The following SPEG variants were observed in gnomAD, a reference collection of about 807,000 sequenced individuals.
SPEG encodes the protein striated muscle enriched protein kinase.
A neutral mutation model predicts 300.4 loss-of-function variants in SPEG; 114 were observed. The observed-to-expected ratio is 0.38, with a 90% CI of 0.33 to 0.44. The LOEUF is 0.44. SPEG is among the 20% of genes least tolerant of loss of function. The pLI is 1.00. For missense variants in SPEG, 4,201 were observed against 4,586.2 expected, an observed-to-expected ratio of 0.92 and a Z score of 2.43; for synonymous variants, 1,964 against 2,018.9, an observed-to-expected ratio of 0.97 and a Z score of 0.73.
chr2:219,479,228 G>A lies in SPEG; in HGVS notation c.5085+27G>A, dbSNP rs1692611637. 6.2e-7 allele frequency: 1 copy of A among 1,604,654 alleles called. No homozygotes were observed. On this transcript the variant is annotated intron_variant, in intron 23 of 40. Coordinates refer to ENST00000312358, the MANE Select transcript of SPEG (RefSeq NM_005876.5). This position sits in a 1 kb window ranked among gnomAD's most constrained non-coding sequence, Gnocchi z 5.5. The stretch of plus-strand genomic sequence containing the variant: ...TGAGGGCAGTGGGTGGCAGGGGCCA[G>A]GTTGGGCACCAGCCTTCACCCACCT...
At chr2:219,447,298 T>C (rs974359689) in intron 3 of SPEG, among the ~76,000 whole-genome samples, 2 of 151,158 alleles carry the variant, frequency 1.3e-5, no homozygotes, top group African/African-American at 4.9e-5. Context: ...CAAAGGCCTA[T>C]CGGGGGGCAG....
At chr2:219,460,245 A>G in intron 6 of SPEG, 1 of 947,242 alleles carries the variant, frequency 1.1e-6, no homozygotes, top group Non-Finnish European at 1.3e-6. Flanking sequence ...GGGCCCCCTC[A>G]GATTCTTCCC....
chr2:219,488,793 T>C lies in SPEG; in HGVS notation c.8042T>C (p.Leu2681Pro), dbSNP rs1309007757. The change falls in exon 34 of 41, where the codon CTA (leucine) becomes CCA (proline). Residue 2681 changes from leucine (L) to proline (P), a missense_variant. Around this residue, in one of 4 missense-constraint regions of SPEG, gnomAD observed 1,578 missense variants for 1,506.0 expected, o/e 1.05. Transcript: ENST00000312358. Reference sequence around the variant, plus strand: ...CTCTTGCCAGGAGTCCCAGGAAAGCTAGCTCCTCCAGAGGTACCCCAGACC... The same window carrying C: ...CTCTTGCCAGGAGTCCCAGGAAAGCCAGCTCCTCCAGAGGTACCCCAGACC... ...TVAVARVPGK[L>P]APPEVPQTYQ... is the part of the protein sequence containing the mutation. 1 of 1,603,110 alleles carries C rather than the reference T, an allele frequency of 6.2e-7. No individual in the cohort carries two copies. Among genetic ancestry groups the C allele is most frequent in the Non-Finnish European group, 8.5e-7 (1 of 1,174,126 alleles).
chr2:219,451,847 C>T lies in SPEG; in HGVS notation c.2440+40C>T. On this transcript the variant is annotated intron_variant, in intron 6 of 40. Transcript: ENST00000312358. The surrounding 1 kb of genome is among the most constrained non-coding windows in gnomAD (Gnocchi z 6.4). Reference sequence around the variant, plus strand: ...AACCCTGGGGCTGGGTGGGGGCAAGCCGTGACTCTCCCCTGGCCCAGGCCC... The same window carrying T: ...AACCCTGGGGCTGGGTGGGGGCAAGTCGTGACTCTCCCCTGGCCCAGGCCC... 1 of 1,486,444 alleles carries T rather than the reference C, an allele frequency of 6.7e-7. No homozygotes were observed. The highest frequency in any genetic ancestry group is 9.0e-7 in the Non-Finnish European group (1 of 1,110,126). 92.1% of individuals were successfully genotyped at this position (1,486,444 alleles called of 1,614,324 possible). A position where few individuals can be genotyped will look rare whatever the true frequency, so the allele number is the denominator to read the frequency against.
chr2:219,491,660 G>A, intron 38 of SPEG, 134 bp from the exon 39 acceptor site: 1 of 715,910 alleles, frequency 1.4e-6, no homozygotes, highest in Non-Finnish European at 2.5e-6. Context: ...GGCCTTCAGG[G>A]CCTGCCACTC....
At chr2:219,447,148 A>C (rs1193965418) in intron 3 of SPEG, among the ~76,000 whole-genome samples, 4 of 151,252 alleles carry the variant, frequency 2.6e-5, no homozygotes, top group Admixed American at 2.6e-4. Flanking sequence ...CTTTTCTCCC[A>C]CACTCCCTAT....
At position 219,489,397 on chromosome 2, in the gene SPEG, G is replaced by A; in HGVS notation, c.8379G>A (p.Arg2793=). The A allele has an allele frequency of 6.2e-7, 1 of 1,612,922 alleles. No homozygotes were observed. Among genetic ancestry groups the A allele is most frequent in the Non-Finnish European group, 8.5e-7 (1 of 1,179,688 alleles). ...QEAPVTSRPA[R]ARPPDSPTSL... is the part of the protein sequence containing the mutation. Reference sequence around the variant, plus strand: ...CCCCTGTCACCTCAAGGCCAGCCAGGGCCCGGCCTCCTGACTCTCCTACCT... The same window carrying A: ...CCCCTGTCACCTCAAGGCCAGCCAGAGCCCGGCCTCCTGACTCTCCTACCT... Residue 2793 remains arginine, a synonymous_variant, in exon 36 of 41, where the codon AGG becomes AGA. Transcript: ENST00000312358.
intron 31 of SPEG, among the ~76,000 whole-genome samples, chr2:219,485,901 C>A (rs140638809): frequency 3.3e-5 from 5 of 152,098 alleles, no homozygotes; most frequent in East Asian, 1.9e-4. Flanking sequence ...CTGGGAGACC[C>A]TAGAATGTTT....
At position 219,488,439 on chromosome 2, in the gene SPEG, G is replaced by C. The variant is rs11892048; in HGVS notation, c.7859-59G>C. 112,889 of 1,522,320 alleles carry C rather than the reference G, an allele frequency of 0.074. 4,422 individuals are homozygous for C. Among genetic ancestry groups the C allele is most frequent in the Admixed American group, 0.094 (4,744 of 50,406 alleles). 94.3% of individuals were successfully genotyped at this position (1,522,320 alleles called of 1,614,324 possible). A position where few individuals can be genotyped will look rare whatever the true frequency, so the allele number is the denominator to read the frequency against. On this transcript the variant is annotated intron_variant, in intron 32 of 40. Coordinates refer to ENST00000312358, the MANE Select transcript of SPEG (RefSeq NM_005876.5). ...GGATGCTGGAGTGGGGAGTGAGTGA[G>C]GGGGCCTGGACATGTGCTGCCTCAC... is the stretch of plus-strand genomic sequence containing the variant.
chr2:219,472,359 G>A (rs762313983), intron 15 of SPEG, 28 bp downstream of exon 15: 6 of 1,589,308 alleles, frequency 3.8e-6, no homozygotes, highest in South Asian at 1.1e-5. Context: ...AGGGCCATGG[G>A]TGGGGAAGGG....
At chr2:219,452,976 C>G in intron 6 of SPEG, among the ~76,000 whole-genome samples, 1 of 152,196 alleles carries the variant, frequency 6.6e-6, no homozygotes, top group East Asian at 1.9e-4. Context: ...AGCTGCATAT[C>G]CCTCCCGGGG....
chr2:219,478,005 C>A lies in SPEG; in HGVS notation c.4927C>A (p.Arg1643Ser). 6.2e-7 allele frequency: 1 copy of A among 1,614,176 alleles called. No homozygotes were observed. Among genetic ancestry groups the A allele is most frequent in the Admixed American group, 1.7e-5 (1 of 60,032 alleles). ...PSQAKPKASA[R>S]REARLLARLQ... ...CCAGGCCAAGCCAAAGGCATCAGCG[C>A]GTCGGGAGGCCCGGCTGCTGGCCAG... The change falls in exon 22 of 41, where the codon CGT (arginine) becomes AGT (serine). Residue 1643 changes from arginine (R) to serine (S), a missense_variant. Transcript: ENST00000312358.
At position 219,477,643 on chromosome 2, in the gene SPEG, T is replaced by A. The variant is rs765324251; in HGVS notation, c.4730-46T>A. 5.3e-6 allele frequency: 8 copies of A among 1,497,146 alleles called. No homozygotes were observed. Among genetic ancestry groups the A allele is most frequent in the Non-Finnish European group, 7.2e-6 (8 of 1,106,844 alleles). The allele number at this position is 1,497,146 out of a possible 1,614,324, so 92.7% of individuals were successfully genotyped here. On this transcript the variant is annotated intron_variant, in intron 20 of 40. Coordinates refer to ENST00000312358, the MANE Select transcript of SPEG (RefSeq NM_005876.5). This position sits in a 1 kb window ranked among gnomAD's most constrained non-coding sequence, Gnocchi z 6.4. ...CCACCTGTCCCAGTCTCTGGCCTGC[T>A]TGCTTTCTTCCCCTCCCACCTAACA...
intron 1 of SPEG, among the ~76,000 whole-genome samples, chr2:219,436,473 C>G (rs996867243): frequency 6.6e-6 from 1 of 152,192 alleles, no homozygotes; most frequent in African/African-American, 2.4e-5. Flanking sequence ...GGGGTTCACT[C>G]CCTTGGACGT....
At position 219,466,005 on chromosome 2, in the gene SPEG, G is replaced by A. The variant is rs998783036; in HGVS notation, c.2882-1169G>A. On this transcript the variant is annotated intron_variant, in intron 9 of 40. Transcript: ENST00000312358. Reference sequence around the variant, plus strand: ...TGTGTGTGTGTGCGCGTGCGTGCGCGTATGCTGCACTAACCTGCCGCTTGC... The same window carrying A: ...TGTGTGTGTGTGCGCGTGCGTGCGCATATGCTGCACTAACCTGCCGCTTGC... 182 of 1,527,664 alleles carry A rather than the reference G, an allele frequency of 1.2e-4. 1 individual carries two copies. The highest frequency in any genetic ancestry group is 9.6e-4 in the African/African-American group (71 of 73,720). The allele number at this position is 1,527,664 out of a possible 1,614,324, so 94.6% of individuals were successfully genotyped here.
At position 219,477,888 on chromosome 2, in the gene SPEG, C is replaced by G; in HGVS notation, c.4827-17C>G. On this transcript the variant is annotated splice_polypyrimidine_tract_variant and intron_variant, in intron 21 of 40. Transcript: ENST00000312358. This position sits in a 1 kb window ranked among gnomAD's most constrained non-coding sequence, Gnocchi z 6.4. ...ACAGTGATGGCTGATCTCTGACCCC[C>G]TCCCTGTGTCAACCAGGGGTGCTTT... 1 of 1,612,138 alleles carries G rather than the reference C, an allele frequency of 6.2e-7. No homozygotes were observed. The highest frequency in any genetic ancestry group is 8.5e-7 in the Non-Finnish European group (1 of 1,178,388).
chr2:219,490,495 G>A lies in SPEG; in HGVS notation c.9008G>A (p.Gly3003Asp). ...VAKIVPYAAE[G>D]KRRVLQEYEV... ...AAGATCGTGCCCTATGCTGCCGAGG[G>A]CAAGCGGCGGGTCCTGCAGGAGTAC... The change falls in exon 37 of 41, where the codon GGC becomes GAC. Residue 3003 changes from glycine to aspartate, a missense_variant. By Grantham distance (94) the Gly-to-Asp change is moderately conservative. Around this residue, in one of 4 missense-constraint regions of SPEG, gnomAD observed 318 missense variants for 429.5 expected, o/e 0.74. Coordinates refer to ENST00000312358, the MANE Select transcript of SPEG (RefSeq NM_005876.5). The A allele has an allele frequency of 6.2e-7, 1 of 1,613,532 alleles. No homozygotes were observed. The highest frequency in any genetic ancestry group is 8.5e-7 in the Non-Finnish European group (1 of 1,180,022).
chr2:219,483,057 C>A, intron 29 of SPEG, 41 bp from the exon 30 acceptor site: 1 of 1,572,272 alleles, frequency 6.4e-7, no homozygotes, highest in Non-Finnish European at 8.6e-7. Flanking sequence ...CAATCCTGCC[C>A]CAGGGGTCCC....
chr2:219,465,836 T>G, intron 9 of SPEG: 1 of 606,396 alleles, frequency 1.6e-6, no homozygotes, highest in Non-Finnish European at 3.0e-6. Flanking sequence ...CATGCGTGCG[T>G]GTATGTGCAT....
Sources: gnomAD v4.1 joint callset for allele counts (sites outside exome capture counted in the v4.1 genomes callset) on GRCh38, gnomAD v4.1.1 for gene constraint, gnomAD v4.1.1 regional missense constraint, Gnocchi (gnomAD v3.1) non-coding constraint, MANE v1.5 for transcripts, NCBI Gene and HGNC (gene_info 2026-07-23, HGNC 2026-07-21) for gene names.